The following CD80 variants were observed in gnomAD, a reference collection of about 807,000 sequenced individuals.
CD80 encodes T-lymphocyte activation antigen CD80.
Under a neutral mutation model 27.1 loss-of-function variants are expected in CD80, and 13 were observed. The observed-to-expected ratio is 0.48, with a 90% CI of 0.31 to 0.76. The LOEUF is 0.76. Ranked by LOEUF, CD80 falls within the 30% of genes least tolerant of loss-of-function variation. The probability of loss-of-function intolerance (pLI) is 0.04; values close to 1 mark genes in which losing one functional copy is unlikely to be tolerated. For missense variants in CD80, 277 were observed against 347.9 expected (o/e 0.80, Z 1.62); for synonymous variants, 125 against 125.5 (o/e 1.00, Z 0.03).
At chr3:119,533,631 A>G (rs2082121217) in intron 4 of CD80, among the ~76,000 whole-genome samples, 1 of 152,122 alleles carries the variant, frequency 6.6e-6, no homozygotes, top group Non-Finnish European at 1.5e-5. Context: ...TCCTTATAAC[A>G]AGCTCTCTTT....
intron 4 of CD80, among the ~76,000 whole-genome samples, chr3:119,535,638 C>CT (rs1464632056): frequency 6.6e-6 from 1 of 152,128 alleles, no homozygotes; most frequent in African/African-American, 2.4e-5. Context: ...TCTGAGTTTA[C>CT]TACCAGTAGG....
In CD80 at chr3:119,529,920, G is replaced by A; in HGVS notation, c.718C>T (p.Pro240Ser). 2 of 1,613,176 alleles carry A rather than the reference G, an allele frequency of 1.2e-6. No homozygotes were observed. Among genetic ancestry groups the A allele is most frequent in the Admixed American group, 3.3e-5 (2 of 60,014 alleles). The change falls in exon 5 of 7, where the codon CCT (proline) becomes TCT (serine). Residue 240 changes from proline to serine, a missense_variant. Coordinates refer to ENST00000264246, the MANE Select transcript of CD80 (RefSeq NM_005191.4). ...NWNTTKQEHF[P>S]DNLLPSWAIT... ...GCCCAGGATGGGAGCAGGTTATCAG[G>A]AAAATGCTCTTGCTTGGCTATGGAG...
intron 4 of CD80, among the ~76,000 whole-genome samples, chr3:119,536,649 TTA>T (rs1413275356): frequency 6.6e-6 from 1 of 152,218 alleles, no homozygotes; most frequent in Non-Finnish European, 1.5e-5. Context: ...CACAGTGACT[TTA>T]ATAAGTCATA....
At chr3:119,543,789 G>A in intron 3 of CD80, among the ~76,000 whole-genome samples, 1 of 151,598 alleles carries the variant, frequency 6.6e-6, no homozygotes, top group East Asian at 1.9e-4. Context: ...TATGCAATAA[G>A]TAAATTATCA....
chr3:119,541,089 C>T (rs1032541256), intron 3 of CD80, among the ~76,000 whole-genome samples: 1 of 151,848 alleles, frequency 6.6e-6, no homozygotes, highest in African/African-American at 2.4e-5. Flanking sequence ...TGGCTTAGAA[C>T]AGCCTAAACT....
At chr3:119,530,999 T>C (rs1283690892) in intron 4 of CD80, among the ~76,000 whole-genome samples, 4 of 152,246 alleles carry the variant, frequency 2.6e-5, no homozygotes, top group African/African-American at 9.6e-5. Flanking sequence ...TAGTTTAGTG[T>C]TAAAGATTAT....
chr3:119,553,306 AT>A, intron 2 of CD80, among the ~76,000 whole-genome samples: 1 of 151,856 alleles, frequency 6.6e-6, no homozygotes, highest in South Asian at 2.1e-4. Flanking sequence ...TGTGTGGTTA[AT>A]TTTTGCATTT....
At chr3:119,535,227 G>C (rs2082130666) in intron 4 of CD80, among the ~76,000 whole-genome samples, 1 of 150,794 alleles carries the variant, frequency 6.6e-6, no homozygotes, top group Non-Finnish European at 1.5e-5. Flanking sequence ...AACACTGAAA[G>C]ATCTAGAGTA....
intron 4 of CD80, among the ~76,000 whole-genome samples, chr3:119,532,212 C>T (rs113536069): frequency 2.0e-5 from 3 of 152,124 alleles, no homozygotes; most frequent in African/African-American, 7.2e-5. Context: ...ATTTGAAATG[C>T]CATCTGAGGC....
intron 2 of CD80, among the ~76,000 whole-genome samples, chr3:119,548,784 C>T (rs1376163451): frequency 6.6e-6 from 1 of 152,106 alleles, no homozygotes; most frequent in Non-Finnish European, 1.5e-5. Context: ...AGCCTGTAAT[C>T]CCAGCACTTT....
chr3:119,544,257 A>C (rs931289982), intron 3 of CD80: 3 of 407,730 alleles, frequency 7.4e-6, no homozygotes, highest in Non-Finnish European at 1.3e-5. Flanking sequence ...GCAAGGCTAC[A>C]TCAAATCAAA....
At chr3:119,550,736 T>C (rs1329695566) in intron 2 of CD80, among the ~76,000 whole-genome samples, 1 of 152,172 alleles carries the variant, frequency 6.6e-6, no homozygotes. Flanking sequence ...TTGTAACACC[T>C]ACCCAACCCA....
At chr3:119,538,752 G>A (rs751066243) in intron 3 of CD80, among the ~76,000 whole-genome samples, 7 of 152,250 alleles carry the variant, frequency 4.6e-5, no homozygotes, top group Middle Eastern at 3.4e-3. Context: ...TAGAACTTTC[G>A]TTGGAAAGGG....
intron 2 of CD80, among the ~76,000 whole-genome samples, chr3:119,554,774 C>A (rs979542188): frequency 1.3e-5 from 2 of 152,186 alleles, no homozygotes; most frequent in African/African-American, 4.8e-5. Flanking sequence ...ACCTACACTC[C>A]CGTTGAGCAG....
At chr3:119,537,760 C>T (rs552522539) in intron 3 of CD80, among the ~76,000 whole-genome samples, 165 of 152,322 alleles carry the variant, frequency 1.1e-3, no homozygotes, top group South Asian at 2.3e-3. Flanking sequence ...CGAGATCGTA[C>T]GACTTCACTC....
At chr3:119,545,328 C>T (rs1433009709) in intron 2 of CD80, among the ~76,000 whole-genome samples, 2 of 151,092 alleles carry the variant, frequency 1.3e-5, no homozygotes, top group Admixed American at 1.3e-4. Flanking sequence ...AAGAGCAAAA[C>T]TCCATCTCCA....
chr3:119,551,983 G>A (rs1459655273), intron 2 of CD80, among the ~76,000 whole-genome samples: 1 of 152,228 alleles, frequency 6.6e-6, no homozygotes, highest in African/African-American at 2.4e-5. Context: ...AGGCAGAGAT[G>A]GACGGCAACG....
chr3:119,549,199 T>G (rs2082217502), intron 2 of CD80, among the ~76,000 whole-genome samples: 1 of 145,900 alleles, frequency 6.9e-6, no homozygotes, highest in South Asian at 2.2e-4. Flanking sequence ...CCTTTATCTC[T>G]TTGGCTATCT....
At chr3:119,550,495 C>T in intron 2 of CD80, among the ~76,000 whole-genome samples, 1 of 152,134 alleles carries the variant, frequency 6.6e-6, no homozygotes, top group East Asian at 1.9e-4. Context: ...TTCGGGATTC[C>T]ACCACACAGA....
Sources: gnomAD v4.1 joint callset for allele counts (sites outside exome capture counted in the v4.1 genomes callset) on GRCh38, gnomAD v4.1.1 for gene constraint, MANE v1.5 for transcripts, NCBI Gene and HGNC (gene_info 2026-07-23, HGNC 2026-07-21) for gene names.